The following AUTS2 variants were observed in gnomAD, a reference collection of about 807,000 sequenced individuals.
The protein encoded by AUTS2 is activator of transcription and developmental regulator AUTS2, also known as autism susceptibility gene 2 protein.
AUTS2 carries 17 observed loss-of-function variants against 112.4 expected under a neutral mutation model. The observed-to-expected ratio is 0.15, with a 90% CI of 0.10 to 0.23. The LOEUF is 0.23. Ranked by LOEUF, AUTS2 falls within the 10% of genes least tolerant of loss-of-function variation. The pLI is 1.00. For synonymous variants in AUTS2, 751 were observed against 702.7 expected, an observed-to-expected ratio of 1.07 and a Z score of -1.09; for missense variants, 1,510 against 1,701.6, an observed-to-expected ratio of 0.89 and a Z score of 1.98.
At chr7:69,693,863 TA>T (rs1797447391) in intron 1 of AUTS2, among the ~76,000 whole-genome samples, 1 of 152,202 alleles carries the variant, frequency 6.6e-6, no homozygotes, top group South Asian at 2.1e-4. Context: ...GGGAATTTGT[TA>T]GATATGCAAA....
intron 2 of AUTS2, among the ~76,000 whole-genome samples, chr7:70,019,952 G>A (rs1021238932): frequency 3.9e-5 from 6 of 152,202 alleles, no homozygotes; most frequent in African/African-American, 1.4e-4. Context: ...TGCTGGCTTT[G>A]CCTCTGCTTT....
chr7:70,252,391 A>G (rs1786648200), intron 4 of AUTS2, among the ~76,000 whole-genome samples: 1 of 152,134 alleles, frequency 6.6e-6, no homozygotes, highest in African/African-American at 2.4e-5. Flanking sequence ...GGCCATTTGT[A>G]TGCCTTCTTT....
chr7:70,203,047 G>A (rs1810371676), intron 4 of AUTS2, among the ~76,000 whole-genome samples: 1 of 144,636 alleles, frequency 6.9e-6, no homozygotes, highest in Non-Finnish European at 1.5e-5. Context: ...TCCTTTGTAG[G>A]GACATGGATG....
intron 2 of AUTS2, among the ~76,000 whole-genome samples, chr7:70,003,232 A>T (rs1175211132): frequency 7.6e-6 from 1 of 131,694 alleles, no homozygotes; most frequent in Non-Finnish European, 1.5e-5. Context: ...TGAATATATT[A>T]TATATGAATA....
intron 5 of AUTS2, among the ~76,000 whole-genome samples, chr7:70,555,038 G>A (rs910733672): frequency 6.6e-6 from 1 of 152,236 alleles, no homozygotes; most frequent in Admixed American, 6.5e-5. Flanking sequence ...CACTGTGAAT[G>A]CAGAGATGGA....
At chr7:70,407,747 C>T (rs1046297805) in intron 4 of AUTS2, among the ~76,000 whole-genome samples, 1 of 151,576 alleles carries the variant, frequency 6.6e-6, no homozygotes, top group Non-Finnish European at 1.5e-5. Flanking sequence ...AATGAGACCT[C>T]GTCTCTACAG....
At chr7:70,788,402 T>A (rs533552683) in intron 18 of AUTS2, among the ~76,000 whole-genome samples, 2 of 152,310 alleles carry the variant, frequency 1.3e-5, no homozygotes, top group Admixed American at 1.3e-4. Flanking sequence ...TCATGCTGAC[T>A]GATAAAAGAA....
chr7:69,894,337 G>C (rs998726092), intron 1 of AUTS2, among the ~76,000 whole-genome samples: 1 of 127,566 alleles, frequency 7.8e-6, no homozygotes, highest in African/African-American at 3.0e-5. Context: ...GCTTGTGTAA[G>C]GGAGGCAGTT....
chr7:70,394,953 A>G (rs1378749192), intron 4 of AUTS2, among the ~76,000 whole-genome samples: 1 of 152,236 alleles, frequency 6.6e-6, no homozygotes, highest in Non-Finnish European at 1.5e-5. Context: ...AAAAGCCACT[A>G]GTAAGTGAAC....
In AUTS2 at chr7:70,102,561, G is replaced by A. The variant is rs1276015466; in HGVS notation, c.523-15571G>A. On this transcript the variant is annotated intron_variant, in intron 2 of 18. Transcript: ENST00000342771. ...CACACACACACACACGTACGTATAT[G>A]TATTGTAGGTATAAGCACTGGAATT... Among the ~76,000 whole-genome samples the A allele has an allele frequency of 5.3e-5, 8 of 152,032 alleles. No individual in the cohort carries two copies. In the East Asian group the frequency reaches 1.5e-3, roughly 29 times the overall value.
At chr7:70,239,183 A>G (rs949879324) in intron 4 of AUTS2, among the ~76,000 whole-genome samples, 4 of 152,140 alleles carry the variant, frequency 2.6e-5, no homozygotes, top group African/African-American at 9.7e-5. Flanking sequence ...AAAATGTTTT[A>G]CAAACCCTCT....
At chr7:69,938,166 A>G (rs367579079) in intron 2 of AUTS2, among the ~76,000 whole-genome samples, 1 of 152,216 alleles carries the variant, frequency 6.6e-6, no homozygotes, top group Non-Finnish European at 1.5e-5. Context: ...ACATTGTGGA[A>G]TGCAAGACCT....
chr7:70,468,323 T>G (rs1797247221), intron 5 of AUTS2, among the ~76,000 whole-genome samples: 1 of 152,208 alleles, frequency 6.6e-6, no homozygotes. Flanking sequence ...GTGGTGTTGA[T>G]GGATGACCCA....
chr7:69,804,957 A>G (rs1009862384), intron 1 of AUTS2, among the ~76,000 whole-genome samples: 1 of 152,246 alleles, frequency 6.6e-6, no homozygotes, highest in African/African-American at 2.4e-5. Flanking sequence ...GAATCACTAC[A>G]CAGACAGACG....
intron 4 of AUTS2, among the ~76,000 whole-genome samples, chr7:70,162,187 C>G (rs939664917): frequency 6.6e-5 from 10 of 151,952 alleles, no homozygotes; most frequent in African/African-American, 2.4e-4. Flanking sequence ...TGGCTCACGC[C>G]TGTAATCCCA....
intron 2 of AUTS2, among the ~76,000 whole-genome samples, chr7:70,003,743 G>A (rs1445303224): frequency 8.1e-6 from 1 of 123,678 alleles, no homozygotes; most frequent in Admixed American, 9.1e-5. Context: ...TAATATATAT[G>A]AATGTGTTAT....
chr7:70,167,498 T>C (rs564502639), intron 4 of AUTS2, among the ~76,000 whole-genome samples: 2 of 152,314 alleles, frequency 1.3e-5, no homozygotes, highest in South Asian at 4.1e-4. Context: ...ATCCCTCACA[T>C]TGATAGAACA....
intron 5 of AUTS2, among the ~76,000 whole-genome samples, chr7:70,619,691 G>A (rs1419797824): frequency 6.6e-6 from 1 of 152,096 alleles, no homozygotes; most frequent in Non-Finnish European, 1.5e-5. Flanking sequence ...TTGAGCTGTG[G>A]CAGCTAGCAA....
At chr7:70,606,050 C>A (rs1201424671) in intron 5 of AUTS2, among the ~76,000 whole-genome samples, 2 of 152,316 alleles carry the variant, frequency 1.3e-5, no homozygotes, top group Middle Eastern at 6.8e-3. Flanking sequence ...AAATTCACTT[C>A]TTGGAGCTGG....
Sources: allele counts gnomAD v4.1 joint callset (sites outside exome capture counted in the v4.1 genomes callset), GRCh38; gene constraint gnomAD v4.1.1; transcripts MANE v1.5; gene names NCBI Gene and HGNC (gene_info 2026-07-23, HGNC 2026-07-21).